TAB3: variants seen among roughly 807,000 people sequenced by gnomAD.
TAB3 encodes TGF-beta activated kinase 1 (MAP3K7) binding protein 3, also known as TGF-beta-activated kinase 1 and MAP3K7-binding protein 3.
In TAB3, 18 loss-of-function variants were observed where a neutral mutation model predicts 48.1. The observed-to-expected ratio is 0.37, with a 90% CI of 0.26 to 0.55. The LOEUF (loss-of-function observed/expected upper bound fraction) is 0.55. Ranked by LOEUF, TAB3 falls within the 20% of genes least tolerant of loss-of-function variation. TAB3 has a pLI of 0.78. For missense variants in TAB3, 414 were observed against 549.8 expected (o/e 0.75, Z 2.47); for synonymous variants, 185 against 190.2 (o/e 0.97, Z 0.22).
At chrX:30,851,478 C>T (rs1938846945) in intron 7 of TAB3, among the ~76,000 whole-genome samples, 1 of 112,312 alleles carries the variant, frequency 8.9e-6, no homozygotes, top group Admixed American at 9.5e-5. Context: ...CCTTTTCTCT[C>T]TGCCTATTGT....
In TAB3 at chrX:30,869,847, A is replaced by G. The variant is rs754836984; in HGVS notation, c.-280+1852T>C. Among the ~76,000 whole-genome samples the G allele has an allele frequency of 8.9e-5, 10 of 112,537 alleles. No homozygotes were observed. The East Asian group carries it at 1.9e-3, about 22-fold the overall frequency. Reference sequence around the variant, plus strand: ...ATAACAAATGTACTACGTGATGACTATAAGGGGAAAAGAAAAAGAAATAAC... The same window carrying G: ...ATAACAAATGTACTACGTGATGACTGTAAGGGGAAAAGAAAAAGAAATAAC... On this transcript the variant is annotated intron_variant, in intron 2 of 10. Transcript: ENST00000288422.
At position 30,841,702 on chromosome X, in the gene TAB3, C is replaced by G. The variant is rs138970303; in HGVS notation, c.1888+1264G>C. ...ATTTTTTTCAAAAATAAGGCATTCT[C>G]CACTGTTCTATGTGTCTTCATGATC... On this transcript the variant is annotated intron_variant, in intron 9 of 10. Transcript: ENST00000288422. Among the ~76,000 whole-genome samples the G allele has an allele frequency of 9.7e-3, 1,083 of 111,695 alleles. 9 individuals are homozygous for G. The highest frequency in any genetic ancestry group is 0.038 in the Middle Eastern group (8 of 213).
At chrX:30,879,947 C>T (rs1306936677) in intron 1 of TAB3, among the ~76,000 whole-genome samples, 1 of 111,475 alleles carries the variant, frequency 9.0e-6, no homozygotes, top group East Asian at 2.8e-4. Context: ...TTTACAATAT[C>T]AAAAAATATC....
intron 10 of TAB3, 138 bp downstream of exon 10, chrX:30,833,913 C>A: frequency 4.8e-6 from 2 of 414,347 alleles, no homozygotes; most frequent in Non-Finnish European, 4.0e-6. Flanking sequence ...CATTATATTT[C>A]TACTGGACAG....
intron 8 of TAB3, chrX:30,846,121 C>T: frequency 1.2e-6 from 1 of 859,688 alleles, no homozygotes; most frequent in South Asian, 2.6e-5. Flanking sequence ...TGAATGTTTT[C>T]ACATAACATA....
rs780060929 is a variant in TAB3, at chrX:30,855,503, T to C, written c.162A>G (p.Leu54=). The part of the protein sequence containing the change: ...RALSQESSKY[L]YMEYHSPDDN... Reference sequence around the variant, plus strand: ...CATCTGGACTATGGTATTCCATATATAAGTATTTGCTACTCTCCTGGGAAA... The same window carrying C: ...CATCTGGACTATGGTATTCCATATACAAGTATTTGCTACTCTCCTGGGAAA... The change falls in exon 6 of 11, where the codon TTA becomes TTG. Residue 54 remains leucine, a synonymous_variant. Coordinates refer to ENST00000288422, the MANE Select transcript of TAB3 (RefSeq NM_152787.5). The C allele has an allele frequency of 8.3e-7, 1 of 1,209,136 alleles. No individual in the cohort carries two copies. The highest frequency in any genetic ancestry group is 2.2e-5 in the Admixed American group (1 of 45,860).
intron 4 of TAB3, 86 bp from the exon 5 acceptor site, chrX:30,859,764 T>C (rs1336854649): frequency 2.3e-6 from 1 of 430,331 alleles, no homozygotes; most frequent in African/African-American, 2.5e-5. Flanking sequence ...TCAGTAGTGG[T>C]GGCATCTCCT....
rs1939497894 is a variant in TAB3 at position 30,868,357 on chromosome X, A to ATAAGCTTT, written c.-279-809_-279-808insAAAGCTTA. ...ATAAGCTTTTATATATATAGCTTAT[A>ATAAGCTTT]TATATATATATAGCTTATATATATA... is the stretch of plus-strand genomic sequence containing the variant. On this transcript the variant is annotated intron_variant, in intron 2 of 10. Transcript: ENST00000288422. Among the ~76,000 whole-genome samples the ATAAGCTTT allele has an allele frequency of 1.7e-3, 18 of 10,328 alleles. 5 individuals carry two copies. The African/African-American group carries it at 0.019, about 11-fold the overall frequency. The allele number at this position is 10,328 out of a possible 115,157, so 9.0% of individuals were successfully genotyped here. A position where few individuals can be genotyped will look rare whatever the true frequency, so the allele number is the denominator to read the frequency against.
chrX:30,838,802 T>A (rs1438660543), intron 9 of TAB3, among the ~76,000 whole-genome samples: 2 of 112,040 alleles, frequency 1.8e-5, no homozygotes, highest in Non-Finnish European at 3.8e-5. Context: ...CTCTTGAATT[T>A]TATTTTCCAA....
At chrX:30,871,178 C>T (rs1472277075) in intron 2 of TAB3, among the ~76,000 whole-genome samples, 1 of 112,208 alleles carries the variant, frequency 8.9e-6, no homozygotes, top group African/African-American at 3.2e-5. Context: ...GTTACAATAC[C>T]ACTAACAAAA....
intron 10 of TAB3, among the ~76,000 whole-genome samples, chrX:30,833,100 AGCT>A (rs199836754): frequency 0.068 from 7,295 of 106,572 alleles, 656 homozygotes; most frequent in African/African-American, 0.24. Flanking sequence ...CCTCCTGTGT[AGCT>A]GGGACTACAG....
rs1321866993 is a variant in TAB3 at position 30,839,959 on chromosome X, AACAC to A, written c.1888+3003_1888+3006del. Among the ~76,000 whole-genome samples, 383 of 101,305 alleles carry A rather than the reference AACAC, an allele frequency of 3.8e-3. 1 individual carries two copies. Among genetic ancestry groups the A allele is most frequent in the Non-Finnish European group, 6.5e-3 (327 of 50,514 alleles). 88.0% of individuals were successfully genotyped at this position (101,305 alleles called of 115,157 possible). A position where few individuals can be genotyped will look rare whatever the true frequency, so the allele number is the denominator to read the frequency against. On this transcript the variant is annotated intron_variant, in intron 9 of 10. Coordinates refer to ENST00000288422, the MANE Select transcript of TAB3 (RefSeq NM_152787.5). ...ATATATATATAATATATATTAAAAA[AACAC>A]ACACTTACTAATATTTACTGTTTTG...
At chrX:30,877,626 C>T (rs1939877965) in intron 1 of TAB3, among the ~76,000 whole-genome samples, 1 of 109,512 alleles carries the variant, frequency 9.1e-6, no homozygotes, top group African/African-American at 3.3e-5. Flanking sequence ...AGGGTAATCA[C>T]AAAAAGAATA....
rs1938985390 is a variant in TAB3, at chrX:30,854,444, T to G, written c.1221A>C (p.Ser407=). Residue 407 remains serine (S), a synonymous_variant, in exon 6 of 11, where the codon TCA becomes TCC. Transcript: ENST00000288422. The part of the protein sequence containing the change: ...HSLYTATTPP[S]SSPSRGISSQ... Reference sequence around the variant, plus strand: ...TAGATATCCCTCTTGAAGGAGAACTTGAAGGTGGCGTGGTGGCTGTGTACA... The same window carrying G: ...TAGATATCCCTCTTGAAGGAGAACTGGAAGGTGGCGTGGTGGCTGTGTACA... 8.3e-7 allele frequency: 1 copy of G among 1,211,479 alleles called. No homozygotes were observed. The highest frequency in any genetic ancestry group is 1.7e-5 in the African/African-American group (1 of 57,695).
chrX:30,870,377 A>AT (rs1398936782), intron 2 of TAB3, among the ~76,000 whole-genome samples: 1 of 112,762 alleles, frequency 8.9e-6, no homozygotes, highest in Non-Finnish European at 1.9e-5. Context: ...ATTTATAATC[A>AT]TTAACTAAAC....
chrX:30,859,547 A>T lies in TAB3; in HGVS notation c.42T>A (p.His14Gln). The T allele has an allele frequency of 8.3e-7, 1 of 1,210,871 alleles. No homozygotes were observed. Among genetic ancestry groups the T allele is most frequent in the Non-Finnish European group, 1.1e-6 (1 of 895,106 alleles). ...TTTCAGGGAAACGTTGTCGAAGATC[A>T]TGGAGAACCTGAATATCAAGCTGTG... ...SSPQLDIQVL[H>Q]DLRQRFPEIP... Residue 14 changes from histidine (H) to glutamine (Q), a missense_variant, in exon 5 of 11, where the codon CAT becomes CAA. Transcript: ENST00000288422.
chrX:30,855,077 A>G lies in TAB3; in HGVS notation c.588T>C (p.Thr196=). Reference sequence around the variant, plus strand: ...AAGGGAGGTTCTGGGATACTGTAACAGTAATTGGATTTGTACTATACCGAG... The same window carrying G: ...AAGGGAGGTTCTGGGATACTGTAACGGTAATTGGATTTGTACTATACCGAG... ...HIPRYSTNPI[T]VTVSQNLPSG... Residue 196 remains threonine, a synonymous_variant, in exon 6 of 11, where the codon ACT becomes ACC. Transcript: ENST00000288422. The G allele has an allele frequency of 8.3e-7, 1 of 1,211,880 alleles. No individual in the cohort carries two copies. Among genetic ancestry groups the G allele is most frequent in the Non-Finnish European group, 1.1e-6 (1 of 895,558 alleles).
At chrX:30,839,914 T>TTATATATA (rs56260124) in intron 9 of TAB3, among the ~76,000 whole-genome samples, 26 of 82,216 alleles carry the variant, frequency 3.2e-4, no homozygotes, top group Non-Finnish European at 3.6e-4. Flanking sequence ...CATATATATA[T>TTATATATA]TATATATATA....
In TAB3 at chrX:30,849,395, A is replaced by G. The variant is rs144718785; in HGVS notation, c.1711-2751T>C. Reference sequence around the variant, plus strand: ...GGTCACAAATGTGCACTGCAGTATCATTAGGCAAGCAACTTTCTAATCAAT... The same window carrying G: ...GGTCACAAATGTGCACTGCAGTATCGTTAGGCAAGCAACTTTCTAATCAAT... On this transcript the variant is annotated intron_variant, in intron 7 of 10. Coordinates refer to ENST00000288422, the MANE Select transcript of TAB3 (RefSeq NM_152787.5). Among the ~76,000 whole-genome samples the G allele has an allele frequency of 3.5e-3, 397 of 112,570 alleles. 5 individuals are homozygous for G. Among genetic ancestry groups the G allele is most frequent in the African/African-American group, 0.012 (374 of 31,052 alleles).
Sources: gnomAD v4.1 joint callset for allele counts (sites outside exome capture counted in the v4.1 genomes callset) on GRCh38, gnomAD v4.1.1 for gene constraint, MANE v1.5 for transcripts, NCBI Gene and HGNC (gene_info 2026-07-23, HGNC 2026-07-21) for gene names.